Variants in CDC73 observed in about 807,000 individuals in gnomAD.
The protein encoded by CDC73 is cell division cycle 73.
A neutral mutation model predicts 83.7 loss-of-function variants in CDC73; 21 were observed. The ratio of observed to expected loss-of-function variants is 0.25; its 90% CI spans 0.18 to 0.36. The LOEUF (loss-of-function observed/expected upper bound fraction) is 0.36, where lower values mean the gene tolerates loss of function less well. CDC73 is among the 10% of genes least tolerant of loss of function. CDC73 has a pLI of 1.00. For missense variants in CDC73, 342 were observed against 653.3 expected, an observed-to-expected ratio of 0.52 and a Z score of 5.19; for synonymous variants, 224 against 212.9, an observed-to-expected ratio of 1.05 and a Z score of -0.45.
Position 193,250,868 on chromosome 1 carries a change from C to A in CDC73, c.*156C>A. ...GATACCTGTCATCCATATAAGCAAA[C>A]TTTTTGGCTTACAACTATTTTTTTA... On this transcript the variant is annotated 3_prime_UTR_variant, in exon 17 of 17. Transcript: ENST00000367435. 3.0e-6 allele frequency: 2 copies of A among 665,240 alleles called. No individual in the cohort carries two copies. The highest frequency in any genetic ancestry group is 2.8e-5 in the East Asian group (1 of 36,268). The allele number at this position is 665,240 out of a possible 1,614,324, so 41.2% of individuals were successfully genotyped here.
rs1001760708 is a variant in CDC73, at chr1:193,211,384, C to T, written c.1031-681C>T. ...CGGATGGTAGATTCAGTATTTTTAT[C>T]GTAGATGTTAGCAACCTCGGGATGT... On this transcript the variant is annotated intron_variant, in intron 11 of 16. Coordinates refer to ENST00000367435, the MANE Select transcript of CDC73 (RefSeq NM_024529.5). Among the ~76,000 whole-genome samples, 5 of 152,270 alleles carry T rather than the reference C, an allele frequency of 3.3e-5. No individual in the cohort carries two copies. The East Asian group carries it at 5.8e-4, about 18-fold the overall frequency.
In CDC73 at chr1:193,152,507, GA is replaced by G; in HGVS notation, c.972+65del. 7 of 1,029,022 alleles carry G rather than the reference GA, an allele frequency of 6.8e-6. No homozygotes were observed. In the South Asian group the frequency reaches 9.0e-5, roughly 13 times the overall value. The allele number at this position is 1,029,022 out of a possible 1,614,324, so 63.7% of individuals were successfully genotyped here. On this transcript the variant is annotated intron_variant, in intron 10 of 16. Transcript: ENST00000367435. ...GGATTTTATGTGAGTAGCACATGTT[GA>G]AGTAAATCTTTAGTCTCTCATATTT... is the stretch of plus-strand genomic sequence containing the variant.
chr1:193,249,892 T>A, intron 16 of CDC73, 21 bp downstream of exon 16: 1 of 1,609,320 alleles, frequency 6.2e-7, no homozygotes, highest in Non-Finnish European at 8.5e-7. Context: ...TTCTAAAATA[T>A]GCTTGTGTGT....
At chr1:193,242,832 T>C (rs1677885728) in intron 15 of CDC73, among the ~76,000 whole-genome samples, 1 of 152,236 alleles carries the variant, frequency 6.6e-6, no homozygotes, top group South Asian at 2.1e-4. Context: ...GCAGCATTCA[T>C]GAAGTTTGCA....
intron 7 of CDC73, among the ~76,000 whole-genome samples, chr1:193,142,766 T>C (rs1675929254): frequency 6.6e-6 from 1 of 152,180 alleles, no homozygotes. Flanking sequence ...AGCCAAAGGA[T>C]TAATTCTTGG....
chr1:193,246,591 C>CA (rs888650349), intron 15 of CDC73, among the ~76,000 whole-genome samples: 5 of 151,964 alleles, frequency 3.3e-5, no homozygotes, highest in Non-Finnish European at 5.9e-5. Flanking sequence ...TAGTAGCTAT[C>CA]AAAAAAACCA....
chr1:193,234,280 A>AATTTATTATATATATT (rs1553291197), intron 14 of CDC73, among the ~76,000 whole-genome samples: 1 of 138,098 alleles, frequency 7.2e-6, no homozygotes, highest in Non-Finnish European at 1.5e-5. Context: ...TAATATATAT[A>AATTTATTATATATATT]ATATACATAT....
At chr1:193,236,435 G>A in intron 15 of CDC73, 79 bp downstream of exon 15, 1 of 907,572 alleles carries the variant, frequency 1.1e-6, no homozygotes. Context: ...ATATAGTTCT[G>A]CGCATATGAT....
chr1:193,150,559 G>A (rs1676087038), intron 9 of CDC73, among the ~76,000 whole-genome samples, 177 bp downstream of exon 9: 1 of 152,124 alleles, frequency 6.6e-6, no homozygotes. Flanking sequence ...ATTCATTTAT[G>A]TATTTTATAT....
At chr1:193,140,346 A>G (rs539895179) in intron 6 of CDC73, among the ~76,000 whole-genome samples, 8 of 152,248 alleles carry the variant, frequency 5.3e-5, no homozygotes, top group African/African-American at 1.4e-4. Flanking sequence ...CTATGTTTCA[A>G]AGTCCATTGG....
At chr1:193,188,719 T>C (rs1676866360) in intron 10 of CDC73, among the ~76,000 whole-genome samples, 1 of 152,104 alleles carries the variant, frequency 6.6e-6, no homozygotes, top group Non-Finnish European at 1.5e-5. Context: ...TTATTATAGA[T>C]TTTGATTATT....
chr1:193,130,741 A>G (rs1382580219), intron 3 of CDC73, among the ~76,000 whole-genome samples: 2 of 152,126 alleles, frequency 1.3e-5, no homozygotes, highest in Non-Finnish European at 2.9e-5. Context: ...ATCCCACTAA[A>G]ATCACTCCTT....
chr1:193,205,203 C>T lies in CDC73; in HGVS notation c.1030+1351C>T, dbSNP rs992922787. ...CTAGGCTATACCACCTGTCCCCCCC[C>T]CCCCCTTTTTTTTTAAACTCATCAG... On this transcript the variant is annotated intron_variant, in intron 11 of 16. Transcript: ENST00000367435. Among the ~76,000 whole-genome samples, 121 of 120,490 alleles carry T rather than the reference C, an allele frequency of 1.0e-3. 5 individuals are homozygous for T. The highest frequency in any genetic ancestry group is 1.8e-3 in the Admixed American group (22 of 12,436). The allele number at this position is 120,490 out of a possible 152,430, so 79.0% of individuals were successfully genotyped here.
chr1:193,250,717 T>C lies in CDC73; in HGVS notation c.*5T>C. 6.2e-7 allele frequency: 1 copy of C among 1,607,636 alleles called. No individual in the cohort carries two copies. Among genetic ancestry groups the C allele is most frequent in the Non-Finnish European group, 8.5e-7 (1 of 1,174,714 alleles). ...AAATCGCACTTGAGATTCTGAATTA[T>C]TTGGCTCCTCCATTTCTGGAAATTG... On this transcript the variant is annotated 3_prime_UTR_variant, in exon 17 of 17. Transcript: ENST00000367435.
At chr1:193,180,194 G>A (rs965637887) in intron 10 of CDC73, 3 of 986,852 alleles carry the variant, frequency 3.0e-6, no homozygotes, top group African/African-American at 3.3e-5. Flanking sequence ...TTTATGTGAT[G>A]AGTTTTAACT....
At chr1:193,170,425 C>G (rs1020071644) in intron 10 of CDC73, among the ~76,000 whole-genome samples, 3 of 152,128 alleles carry the variant, frequency 2.0e-5, no homozygotes. Context: ...ATGTGTAAGC[C>G]TACCTTTTTC....
chr1:193,216,365 A>G (rs1677367203), intron 13 of CDC73, among the ~76,000 whole-genome samples: 1 of 152,196 alleles, frequency 6.6e-6, no homozygotes, highest in Non-Finnish European at 1.5e-5. Context: ...TCCTAGAAAC[A>G]TATAATCTCT....
At chr1:193,219,300 A>G (rs566441703) in intron 13 of CDC73, among the ~76,000 whole-genome samples, 1 of 152,338 alleles carries the variant, frequency 6.6e-6, no homozygotes, top group Non-Finnish European at 1.5e-5. Context: ...GTGGGAATGT[A>G]ATTTAGTTCA....
In CDC73 at chr1:193,152,457, G is replaced by T; in HGVS notation, c.972+13G>T. 6.4e-7 allele frequency: 1 copy of T among 1,562,264 alleles called. No individual in the cohort carries two copies. The highest frequency in any genetic ancestry group is 1.1e-5 in the South Asian group (1 of 89,872). On this transcript the variant is annotated intron_variant, in intron 10 of 16. Coordinates refer to ENST00000367435, the MANE Select transcript of CDC73 (RefSeq NM_024529.5). ...GAAATCTGTAACGGTAAGTTAATTT[G>T]GCTGTAGATGTTCTTTTGTTCCAGG...
Sources: allele counts gnomAD v4.1 joint callset (sites outside exome capture counted in the v4.1 genomes callset), GRCh38; gene constraint gnomAD v4.1.1; transcripts MANE v1.5; gene names NCBI Gene and HGNC (gene_info 2026-07-23, HGNC 2026-07-21).